The following TSHZ2 variants were observed in gnomAD, a reference collection of about 807,000 sequenced individuals.
TSHZ2 encodes teashirt zinc finger homeobox 2, also known as teashirt homolog 2.
Under a neutral mutation model 74.4 loss-of-function variants are expected in TSHZ2, and 21 were observed. That is an observed-to-expected ratio of 0.28 (90% CI 0.20 to 0.41). The LOEUF (loss-of-function observed/expected upper bound fraction) is 0.41, where lower values mean the gene tolerates loss of function less well. TSHZ2 is among the 10% of genes least tolerant of loss of function. The pLI is 1.00. For missense variants in TSHZ2, 1,244 were observed against 1,293.5 expected, an observed-to-expected ratio of 0.96 and a Z score of 0.59; for synonymous variants, 540 against 515.3, an observed-to-expected ratio of 1.05 and a Z score of -0.65.
At chr20:53,326,372 TTAATAGA>T (rs1415007500) in intron 2 of TSHZ2, among the ~76,000 whole-genome samples, 1 of 152,216 alleles carries the variant, frequency 6.6e-6, no homozygotes, top group Non-Finnish European at 1.5e-5. Flanking sequence ...AGTTGCACTA[TTAATAGA>T]TAAGACATCT....
chr20:53,140,971 A>T (rs1987384016), intron 1 of TSHZ2, among the ~76,000 whole-genome samples: 1 of 152,216 alleles, frequency 6.6e-6, no homozygotes, highest in South Asian at 2.1e-4. Flanking sequence ...GGCATGCTTT[A>T]GCCACAGAGA....
At chr20:53,257,452 G>A (rs1247195451) in intron 2 of TSHZ2, among the ~76,000 whole-genome samples, 1 of 152,224 alleles carries the variant, frequency 6.6e-6, no homozygotes, top group East Asian at 1.9e-4. Flanking sequence ...GAAGTTCCAT[G>A]CCTTATATAG....
chr20:53,272,028 T>C (rs1263568114), intron 2 of TSHZ2, among the ~76,000 whole-genome samples: 3 of 152,088 alleles, frequency 2.0e-5, no homozygotes, highest in Admixed American at 6.5e-5. Context: ...TTTTTTTTCT[T>C]TTGTGACGGA....
intron 1 of TSHZ2, among the ~76,000 whole-genome samples, chr20:53,011,195 A>T (rs1038702544): frequency 1.3e-5 from 2 of 152,166 alleles, no homozygotes. Flanking sequence ...CTGTGTTTTA[A>T]GTTATTGAGC....
At chr20:52,990,238 T>C (rs1257754741) in intron 1 of TSHZ2, among the ~76,000 whole-genome samples, 1 of 152,190 alleles carries the variant, frequency 6.6e-6, no homozygotes, top group Non-Finnish European at 1.5e-5. Context: ...TAATATTTTA[T>C]AATTTGAATA....
chr20:53,312,880 C>A (rs922586606), intron 2 of TSHZ2, among the ~76,000 whole-genome samples: 1 of 152,162 alleles, frequency 6.6e-6, no homozygotes, highest in African/African-American at 2.4e-5. Context: ...CTGAGCAAGG[C>A]TAGGAGGAGA....
chr20:53,272,119 CT>C (rs1205219335), intron 2 of TSHZ2, among the ~76,000 whole-genome samples: 2 of 151,962 alleles, frequency 1.3e-5, no homozygotes, highest in African/African-American at 2.4e-5. Context: ...TCAAGTGATT[CT>C]CCAGCCTCAG....
At chr20:53,427,238 C>T (rs1294539810) in intron 2 of TSHZ2, among the ~76,000 whole-genome samples, 4 of 152,166 alleles carry the variant, frequency 2.6e-5, no homozygotes, top group Non-Finnish European at 4.4e-5. Flanking sequence ...AAGACACTCA[C>T]ATTATTAGAC....
At chr20:53,365,463 G>A (rs955985476) in intron 2 of TSHZ2, among the ~76,000 whole-genome samples, 19 of 152,280 alleles carry the variant, frequency 1.2e-4, no homozygotes, top group African/African-American at 1.4e-4. Context: ...GGGGATGGGG[G>A]AGGTCATACT....
intron 1 of TSHZ2, among the ~76,000 whole-genome samples, chr20:53,225,019 G>A (rs755541608): frequency 3.9e-5 from 6 of 152,170 alleles, no homozygotes; most frequent in Non-Finnish European, 8.8e-5. Context: ...GTCTTTGCAA[G>A]CAGTATGGTT....
chr20:53,048,903 T>C (rs1325606049), intron 1 of TSHZ2, among the ~76,000 whole-genome samples: 2 of 152,174 alleles, frequency 1.3e-5, no homozygotes, highest in South Asian at 4.1e-4. Flanking sequence ...TGCACATTTT[T>C]AAAATAAAAA....
At chr20:53,248,629 C>T (rs1243176931) in intron 1 of TSHZ2, among the ~76,000 whole-genome samples, 5 of 152,140 alleles carry the variant, frequency 3.3e-5, no homozygotes, top group Admixed American at 6.5e-5. Flanking sequence ...TTAGTCCATA[C>T]TTTCAAAGTT....
chr20:53,460,386 T>C (rs1312872626), intron 2 of TSHZ2, among the ~76,000 whole-genome samples: 1 of 152,228 alleles, frequency 6.6e-6, no homozygotes, highest in Non-Finnish European at 1.5e-5. Context: ...CCAGCCTTGG[T>C]TTTCAGCTCC....
At chr20:53,182,165 TCTTTCTTTCTTCCTTC>T (rs1405195174) in intron 1 of TSHZ2, among the ~76,000 whole-genome samples, 6 of 88,658 alleles carry the variant, frequency 6.8e-5, no homozygotes, top group Non-Finnish European at 1.3e-4. Context: ...CTCTTCCTTT[TCTTTCTTTCTTCCTTC>T]CTTTTCTTTC....
intron 2 of TSHZ2, among the ~76,000 whole-genome samples, chr20:53,337,007 C>T (rs552992074): frequency 1.3e-5 from 2 of 152,124 alleles, no homozygotes; most frequent in East Asian, 3.9e-4. Flanking sequence ...TAAATACATA[C>T]AAGTGTGTAT....
At chr20:53,324,442 A>G (rs891071725) in intron 2 of TSHZ2, among the ~76,000 whole-genome samples, 4 of 152,130 alleles carry the variant, frequency 2.6e-5, no homozygotes, top group Admixed American at 1.3e-4. Context: ...CAGTGATGCA[A>G]TAGGAGCTCA....
At chr20:53,341,415 T>C (rs1292301532) in intron 2 of TSHZ2, among the ~76,000 whole-genome samples, 1 of 152,172 alleles carries the variant, frequency 6.6e-6, no homozygotes, top group Non-Finnish European at 1.5e-5. Flanking sequence ...AAAACTGGGA[T>C]AATCACAGAA....
At chr20:53,185,594 G>A (rs996118579) in intron 1 of TSHZ2, 42 of 1,527,316 alleles carry the variant, frequency 2.7e-5, no homozygotes, top group East Asian at 4.9e-5. Context: ...CACTCCAGCT[G>A]GGGATACAGA....
rs148735264 is a variant in TSHZ2, at chr20:53,172,807, C to T, written c.41-80692C>T. On this transcript the variant is annotated intron_variant, in intron 1 of 2. Coordinates refer to ENST00000371497, the MANE Select transcript of TSHZ2 (RefSeq NM_173485.6). ...CTGACTCTGGACTTGATATTCCATTCGGTCCTCTTCACCAGAGCATGGCTA... is the reference window on the plus strand; with the variant it reads ...CTGACTCTGGACTTGATATTCCATTTGGTCCTCTTCACCAGAGCATGGCTA... Among the ~76,000 whole-genome samples the T allele has an allele frequency of 2.1e-4, 32 of 152,326 alleles. 1 individual carries two copies. Among genetic ancestry groups the T allele is most frequent in the Middle Eastern group, 3.4e-3 (1 of 294 alleles).
Sources: gnomAD v4.1 joint callset for allele counts (sites outside exome capture counted in the v4.1 genomes callset) on GRCh38, gnomAD v4.1.1 for gene constraint, MANE v1.5 for transcripts, NCBI Gene and HGNC (gene_info 2026-07-23, HGNC 2026-07-21) for gene names.